Variants in PIK3R2 observed in about 807,000 individuals in gnomAD.
PIK3R2 encodes the protein phosphoinositide-3-kinase regulatory subunit 2, also known as phosphatidylinositol 3-kinase regulatory subunit beta.
PIK3R2 carries 40 observed loss-of-function variants against 78.5 expected under a neutral mutation model. The observed-to-expected ratio is 0.51, with a 90% CI of 0.40 to 0.66. PIK3R2 has a LOEUF of 0.66. Ranked by LOEUF, PIK3R2 falls within the 30% of genes least tolerant of loss-of-function variation. PIK3R2 has a pLI of 0.00. For missense variants in PIK3R2, 880 were observed against 1,026.6 expected (o/e 0.86, Z 1.95); for synonymous variants, 473 against 457.7 (o/e 1.03, Z -0.43).
Position 18,160,985 on chromosome 19 carries a change from A to G in PIK3R2, c.466+16A>G. 2 of 1,612,788 alleles carry G rather than the reference A, an allele frequency of 1.2e-6. No individual in the cohort carries two copies. Among genetic ancestry groups the G allele is most frequent in the Non-Finnish European group, 1.7e-6 (2 of 1,179,710 alleles). ...CCGCGTACAGGTGAAGGGGAGCCTC[A>G]ATGGGGTTGGGAGGAGGCTGGGGGC... On this transcript the variant is annotated intron_variant, in intron 4 of 15. Coordinates refer to ENST00000222254, the MANE Select transcript of PIK3R2 (RefSeq NM_005027.4).
Position 18,156,576 on chromosome 19 carries a change from G to A in PIK3R2, c.322+375G>A, listed in dbSNP as rs1477627620. Among the ~76,000 whole-genome samples the A allele has an allele frequency of 7.9e-5, 12 of 152,172 alleles. No homozygotes were observed. Among genetic ancestry groups the A allele is most frequent in the African/African-American group, 1.4e-4 (6 of 41,440 alleles). ...AGGGAGGAAGGGGAGGGCAATGTGC[G>A]CTGGCATGGAGGACTTAGTGGGATT... On this transcript the variant is annotated intron_variant, in intron 2 of 15. Transcript: ENST00000222254. The surrounding 1 kb of genome is among the most constrained non-coding windows in gnomAD (Gnocchi z 4.2).
intron 2 of PIK3R2, among the ~76,000 whole-genome samples, chr19:18,159,754 A>AT (rs1424223437): frequency 6.7e-6 from 1 of 150,182 alleles, no homozygotes; most frequent in African/African-American, 2.5e-5. Flanking sequence ...CTGTTGACTT[A>AT]TTTTTGAAAC....
rs774532039 is a variant in PIK3R2 at position 18,167,199 on chromosome 19, G to T, written c.1629G>T (p.Glu543Asp). 8.1e-6 allele frequency: 13 copies of T among 1,611,772 alleles called. No individual in the cohort carries two copies. The highest frequency in any genetic ancestry group is 1.0e-5 in the Non-Finnish European group (12 of 1,179,108). ...TCCATGAGAGCCGCACGAAGCTGGA[G>T]CAGCAGCTGCGGGCCCAGGCCTCGG... The part of the protein sequence containing the change: ...AEIHESRTKL[E>D]QQLRAQASDN... The change falls in exon 13 of 16, where the codon GAG (glutamate) becomes GAT (aspartate). Residue 543 changes from glutamate (E) to aspartate (D), a missense_variant. By Grantham distance (45) the Glu-to-Asp change is conservative. This residue lies in a region of PIK3R2 where 268 missense variants were observed against 299.1 expected (regional missense o/e 0.90). Coordinates refer to ENST00000222254, the MANE Select transcript of PIK3R2 (RefSeq NM_005027.4). The surrounding 1 kb of genome is among the most constrained non-coding windows in gnomAD (Gnocchi z 4.5).
intron 11 of PIK3R2, 126 bp from the exon 12 acceptor site, chr19:18,166,034 A>G: frequency 8.2e-7 from 1 of 1,213,170 alleles, no homozygotes; most frequent in Non-Finnish European, 1.2e-6. Flanking sequence ...AGGCGTTAGA[A>G]GAATGACACT....
rs2043672496 is a variant in PIK3R2, at chr19:18,155,901, C to T, written c.22C>T (p.Gln8Ter). The change falls in exon 2 of 16, where the codon CAG (glutamine) becomes TAG (stop). Residue 8 changes from glutamine to a stop codon, truncating the protein, a stop_gained. Coordinates refer to ENST00000222254, the MANE Select transcript of PIK3R2 (RefSeq NM_005027.4). LOFTEE classifies it high-confidence loss of function. ...GGCCATGGCGGGCCCTGAGGGCTTC[C>T]AGTACCGCGCTCTGTACCCGTTCCG... MAGPEGF[Q>*]YRALYPFRRE... 1 of 1,558,584 alleles carries T rather than the reference C, an allele frequency of 6.4e-7. No individual in the cohort carries two copies. The highest frequency in any genetic ancestry group is 1.7e-4 in the Middle Eastern group (1 of 5,996).
In PIK3R2 at chr19:18,155,589, C is replaced by T. The variant is rs915440152; in HGVS notation, c.-291C>T. 9.9e-6 allele frequency: 5 copies of T among 502,712 alleles called. No homozygotes were observed. The highest frequency in any genetic ancestry group is 2.0e-5 in the African/African-American group (1 of 49,174). The allele number at this position is 502,712 out of a possible 1,614,324, so 31.1% of individuals were successfully genotyped here. A position where few individuals can be genotyped will look rare whatever the true frequency, so the allele number is the denominator to read the frequency against. On this transcript the variant is annotated 5_prime_UTR_variant, in exon 2 of 16. Transcript: ENST00000222254. ...GAGGGCGTGAGCGGCCTGCCCCAGC[C>T]TCACCTGCTGATGGAGGACTCAATG...
chr19:18,169,191 A>G lies in PIK3R2; in HGVS notation c.2084A>G (p.His695Arg). ...LYGSLKELVL[H>R]YQHASLVQHN... ...GGGTCGCTGAAGGAGCTGGTGCTGC[A>G]CTACCAGCACGCCTCGCTGGTGCAG... The change falls in exon 16 of 16, where the codon CAC becomes CGC. Residue 695 changes from histidine to arginine, a missense_variant. Transcript: ENST00000222254. The G allele has an allele frequency of 6.2e-7, 1 of 1,608,622 alleles. No individual in the cohort carries two copies. Among genetic ancestry groups the G allele is most frequent in the Non-Finnish European group, 8.5e-7 (1 of 1,179,544 alleles).
Position 18,161,335 on chromosome 19 carries a change from G to C in PIK3R2, c.655G>C (p.Ala219Pro). 7.5e-7 allele frequency: 1 copy of C among 1,328,858 alleles called. No homozygotes were observed. The highest frequency in any genetic ancestry group is 9.6e-7 in the Non-Finnish European group (1 of 1,043,788). The allele number at this position is 1,328,858 out of a possible 1,614,324, so 82.3% of individuals were successfully genotyped here. ...LEPPTLPLHR[A>P]LTLRFLLQHL... is the part of the protein sequence containing the mutation. Reference sequence around the variant, plus strand: ...GCCACCGACGCTGCCGCTGCACCGCGCGCTCACGCTGCGCTTCCTGCTCCA... The same window carrying C: ...GCCACCGACGCTGCCGCTGCACCGCCCGCTCACGCTGCGCTTCCTGCTCCA... Residue 219 changes from alanine (A) to proline (P), a missense_variant, in exon 6 of 16, where the codon GCG becomes CCG. Ala to Pro is a conservative substitution (Grantham distance 27). Around this residue, in one of 3 missense-constraint regions of PIK3R2, gnomAD observed 456 missense variants for 486.6 expected, o/e 0.94. Coordinates refer to ENST00000222254, the MANE Select transcript of PIK3R2 (RefSeq NM_005027.4). The surrounding 1 kb of genome is among the most constrained non-coding windows in gnomAD (Gnocchi z 5.3).
chr19:18,162,219 C>G lies in PIK3R2; in HGVS notation c.919C>G (p.Pro307Ala). ...TCCCCCAGCGCTGCCGCCTAAACCC[C>G]CCAAGGCAAAGCCGGCCTCCACAGT... ...VAPPALPPKP[P>A]KAKPASTVLA... The change falls in exon 8 of 16, where the codon CCC becomes GCC. Residue 307 changes from proline to alanine, a missense_variant. Physicochemically the swap from Pro to Ala is conservative, Grantham distance 27. Coordinates refer to ENST00000222254, the MANE Select transcript of PIK3R2 (RefSeq NM_005027.4). The G allele has an allele frequency of 6.3e-7, 1 of 1,589,858 alleles. No individual in the cohort carries two copies. The highest frequency in any genetic ancestry group is 8.6e-7 in the Non-Finnish European group (1 of 1,159,542).
chr19:18,163,156 T>C lies in PIK3R2; in HGVS notation c.1290+9T>C, dbSNP rs369933387. 2.5e-6 allele frequency: 4 copies of C among 1,613,726 alleles called. No individual in the cohort carries two copies. Among genetic ancestry groups the C allele is most frequent in the Non-Finnish European group, 3.4e-6 (4 of 1,179,798 alleles). ...TGTCCAAATACCAGCAGGTCCGTGCTGGCCTGGGAGCCAGGGAGGGTAGCA... is the reference window on the plus strand; with the variant it reads ...TGTCCAAATACCAGCAGGTCCGTGCCGGCCTGGGAGCCAGGGAGGGTAGCA... On this transcript the variant is annotated intron_variant, in intron 10 of 15. Coordinates refer to ENST00000222254, the MANE Select transcript of PIK3R2 (RefSeq NM_005027.4).
At position 18,168,363 on chromosome 19, in the gene PIK3R2, T is replaced by G. The variant is rs2043829133; in HGVS notation, c.1737-112T>G. 6 of 689,472 alleles carry G rather than the reference T, an allele frequency of 8.7e-6. No homozygotes were observed. The South Asian group carries it at 9.3e-5, about 11-fold the overall frequency. 42.7% of individuals were successfully genotyped at this position (689,472 alleles called of 1,614,324 possible). On this transcript the variant is annotated intron_variant, in intron 13 of 15. Coordinates refer to ENST00000222254, the MANE Select transcript of PIK3R2 (RefSeq NM_005027.4). This position sits in a 1 kb window ranked among gnomAD's most constrained non-coding sequence, Gnocchi z 4.1. ...TGCCCTCTTGTGGCAACCGGAGATA[T>G]TGTACCCAGAACCCTCTCTCCTCAG...
chr19:18,159,980 C>A (rs1044361617), intron 2 of PIK3R2, among the ~76,000 whole-genome samples: 2 of 152,172 alleles, frequency 1.3e-5, no homozygotes, highest in Non-Finnish European at 2.9e-5. Context: ...CTCAGGTGAT[C>A]CACCCACCTC....
At chr19:18,166,097 T>G (rs1243139914) in intron 11 of PIK3R2, 63 bp from the exon 12 acceptor site, 2 of 1,607,214 alleles carry the variant, frequency 1.2e-6, no homozygotes, top group Non-Finnish European at 1.7e-6. Context: ...AGATGTGCCT[T>G]TACCCCTCAC....
chr19:18,167,137 C>T lies in PIK3R2; in HGVS notation c.1567C>T (p.Leu523=), dbSNP rs2147957438. 6.3e-7 allele frequency: 1 copy of T among 1,585,476 alleles called. No individual in the cohort carries two copies. The highest frequency in any genetic ancestry group is 8.6e-7 in the Non-Finnish European group (1 of 1,164,308). ...GNEKEMQRIL[L]NSERLKSRIA... Reference sequence around the variant, plus strand: ...ACCCCACCCCTCCCACAGGATCCTGCTGAACTCCGAGCGGCTCAAGTCCCG... The same window carrying T: ...ACCCCACCCCTCCCACAGGATCCTGTTGAACTCCGAGCGGCTCAAGTCCCG... Residue 523 remains leucine (L), a synonymous_variant, in exon 13 of 16, where the codon CTG becomes TTG. Coordinates refer to ENST00000222254, the MANE Select transcript of PIK3R2 (RefSeq NM_005027.4). This position sits in a 1 kb window ranked among gnomAD's most constrained non-coding sequence, Gnocchi z 4.5.
Position 18,169,314 on chromosome 19 carries a change from A to C in PIK3R2, c.*20A>C, listed in dbSNP as rs1002745610. On this transcript the variant is annotated 3_prime_UTR_variant, in exon 16 of 16. Transcript: ENST00000222254. ...CGCTGAGCACCGAGGACCCGCCCCAAGCAGAGCCGCCCCTGGGCCCGTCTG... is the reference window on the plus strand; with the variant it reads ...CGCTGAGCACCGAGGACCCGCCCCACGCAGAGCCGCCCCTGGGCCCGTCTG... 2 of 1,387,052 alleles carry C rather than the reference A, an allele frequency of 1.4e-6. No individual in the cohort carries two copies. Among genetic ancestry groups the C allele is most frequent in the Non-Finnish European group, 1.9e-6 (2 of 1,075,084 alleles). The allele number at this position is 1,387,052 out of a possible 1,614,324, so 85.9% of individuals were successfully genotyped here.
At chr19:18,162,547 T>A (rs2147952278) in intron 9 of PIK3R2, 41 bp downstream of exon 9, 1 of 1,533,156 alleles carries the variant, frequency 6.5e-7, no homozygotes, top group Non-Finnish European at 9.0e-7. Context: ...GGGTCACAGG[T>A]CACAGAGACC....
chr19:18,167,763 G>C lies in PIK3R2; in HGVS notation c.1736+457G>C, dbSNP rs1228778433. Among the ~76,000 whole-genome samples the C allele has an allele frequency of 6.6e-6, 1 of 152,134 alleles. No individual in the cohort carries two copies. Among genetic ancestry groups the C allele is most frequent in the Non-Finnish European group, 1.5e-5 (1 of 68,026 alleles). ...GCCTGTAATCCCAGTTACTCAAGAG[G>C]CTGAGGCAGGAGAATCACTTGAACG... On this transcript the variant is annotated intron_variant, in intron 13 of 15. Transcript: ENST00000222254. This position sits in a 1 kb window ranked among gnomAD's most constrained non-coding sequence, Gnocchi z 4.5.
rs1367000015 is a variant in PIK3R2, at chr19:18,168,669, C to T, written c.1809-57C>T. On this transcript the variant is annotated intron_variant, in intron 14 of 15. Coordinates refer to ENST00000222254, the MANE Select transcript of PIK3R2 (RefSeq NM_005027.4). This position sits in a 1 kb window ranked among gnomAD's most constrained non-coding sequence, Gnocchi z 4.1. ...AAAGTTGTCCAGGCAGCTGGGGAGC[C>T]TCGGAGGCTGGCAGGTGAGTGACCA... is the stretch of plus-strand genomic sequence containing the variant. 2.1e-6 allele frequency: 3 copies of T among 1,455,190 alleles called. No individual in the cohort carries two copies. The highest frequency in any genetic ancestry group is 1.4e-5 in the African/African-American group (1 of 72,022). The allele number at this position is 1,455,190 out of a possible 1,614,324, so 90.1% of individuals were successfully genotyped here.
At chr19:18,159,362 TTTCC>T (rs2043716818) in intron 2 of PIK3R2, among the ~76,000 whole-genome samples, 2 of 151,900 alleles carry the variant, frequency 1.3e-5, no homozygotes. Flanking sequence ...CCCTCTGAAG[TTTCC>T]TTCCTTGCAG....
Sources: gnomAD v4.1 joint callset for allele counts (sites outside exome capture counted in the v4.1 genomes callset) on GRCh38, gnomAD v4.1.1 for gene constraint, gnomAD v4.1.1 regional missense constraint, Gnocchi (gnomAD v3.1) non-coding constraint, MANE v1.5 for transcripts, NCBI Gene and HGNC (gene_info 2026-07-23, HGNC 2026-07-21) for gene names.